Variants in INTS10 observed in about 807,000 individuals in gnomAD.
The protein encoded by INTS10 is integrator complex subunit 10, also known as chromosome 8 open reading frame 35.
INTS10 carries 44 observed loss-of-function variants against 94.4 expected under a neutral mutation model. The observed-to-expected ratio is 0.47, with a 90% CI of 0.37 to 0.60. The LOEUF is 0.60. Among genes scored for constraint, INTS10 ranks in the 20% least tolerant of loss-of-function variants. The pLI is 0.00. For synonymous variants in INTS10, 341 were observed against 320.7 expected (o/e 1.06, Z -0.68); for missense variants, 797 against 868.7 (o/e 0.92, Z 1.04).
At chr8:19,838,574 A>G (rs1249095067) in intron 13 of INTS10, among the ~76,000 whole-genome samples, 2 of 152,206 alleles carry the variant, frequency 1.3e-5, no homozygotes, top group Non-Finnish European at 2.9e-5. Flanking sequence ...AAGAGTCCCA[A>G]TTCATTTTTA....
chr8:19,840,627 G>A (rs1418576576), intron 13 of INTS10, among the ~76,000 whole-genome samples: 2 of 152,152 alleles, frequency 1.3e-5, no homozygotes, highest in Non-Finnish European at 2.9e-5. Context: ...GCATAGATTT[G>A]ATCAAATGAT....
At position 19,837,126 on chromosome 8, in the gene INTS10, G is replaced by A. The variant is rs768768649; in HGVS notation, c.1605G>A (p.Glu535=). The A allele has an allele frequency of 3.5e-5, 57 of 1,612,908 alleles. No homozygotes were observed. The South Asian group carries it at 5.8e-4, about 16-fold the overall frequency. ...TTCAAGATGGAGGCAAATCCCAGGA[G>A]GAACCCTCGAAAGTAAAGCCCAAAT... ...LPIQDGGKSQ[E]EPSKVKPKFR... The change falls in exon 13 of 17, where the codon GAG becomes GAA. Residue 535 remains glutamate, a synonymous_variant. Coordinates refer to ENST00000397977, the MANE Select transcript of INTS10 (RefSeq NM_018142.4).
intron 2 of INTS10, 27 bp from the exon 3 acceptor site, chr8:19,819,546 A>G: frequency 6.5e-7 from 1 of 1,536,718 alleles, no homozygotes; most frequent in Non-Finnish European, 8.9e-7. Context: ...TTGACATTTT[A>G]ATTTAATGTA....
chr8:19,832,659 A>T (rs1392097342), intron 11 of INTS10, among the ~76,000 whole-genome samples: 2 of 152,238 alleles, frequency 1.3e-5, no homozygotes, highest in Non-Finnish European at 2.9e-5. Flanking sequence ...TGTAAAAGTA[A>T]GATTTTTACT....
chr8:19,817,734 T>C (rs891653576), intron 1 of INTS10, 68 bp downstream of exon 1: 4 of 1,541,698 alleles, frequency 2.6e-6, no homozygotes, highest in Middle Eastern at 2.3e-4. Context: ...CGGGCTGCCC[T>C]GGCCCAGAGC....
chr8:19,839,854 G>C (rs1410742495), intron 13 of INTS10, among the ~76,000 whole-genome samples: 2 of 152,074 alleles, frequency 1.3e-5, no homozygotes, highest in African/African-American at 4.8e-5. Context: ...CTTGAGGCCA[G>C]GAGTTTGAGA....
At chr8:19,834,729 T>G (rs1299027786) in intron 12 of INTS10, among the ~76,000 whole-genome samples, 1 of 152,146 alleles carries the variant, frequency 6.6e-6, no homozygotes, top group African/African-American at 2.4e-5. Context: ...TGTCCAGATG[T>G]AAGTGTCCTT....
At chr8:19,838,940 C>T (rs1226562503) in intron 13 of INTS10, among the ~76,000 whole-genome samples, 6 of 151,986 alleles carry the variant, frequency 3.9e-5, no homozygotes, top group Non-Finnish European at 8.8e-5. Flanking sequence ...GGCCTGGTGG[C>T]AGGCACCTGT....
chr8:19,818,852 C>T (rs1270239928), intron 2 of INTS10: 1 of 153,100 alleles, frequency 6.5e-6, no homozygotes, highest in East Asian at 1.9e-4. Context: ...CCTTTTCATG[C>T]CTGTGTAGTA....
chr8:19,844,525 A>T (rs980387742), intron 15 of INTS10, among the ~76,000 whole-genome samples: 2 of 152,324 alleles, frequency 1.3e-5, no homozygotes, highest in African/African-American at 4.8e-5. Context: ...CAGGTTGCTG[A>T]TAGGTCCAGC....
intron 13 of INTS10, chr8:19,841,811 G>A (rs1370249850): frequency 2.2e-6 from 1 of 455,746 alleles, no homozygotes; most frequent in Non-Finnish European, 4.4e-6. Flanking sequence ...TTCAAGCTGT[G>A]AGTTTTCATT....
chr8:19,850,352 C>T (rs2068928909), intron 16 of INTS10, among the ~76,000 whole-genome samples: 1 of 152,102 alleles, frequency 6.6e-6, no homozygotes, highest in South Asian at 2.1e-4. Context: ...AGCTACCCAT[C>T]CAGATTTGAC....
chr8:19,819,922 T>C (rs563715877), intron 3 of INTS10, among the ~76,000 whole-genome samples: 233 of 152,356 alleles, frequency 1.5e-3, no homozygotes, highest in Non-Finnish European at 2.4e-3. Context: ...GGTTTTACAA[T>C]AACCAGATAG....
rs1754086012 is a variant in INTS10 at position 19,843,324 on chromosome 8, A to G, written c.1719+397A>G. On this transcript the variant is annotated intron_variant, in intron 14 of 16. Transcript: ENST00000397977. This position sits in a 1 kb window ranked among gnomAD's most constrained non-coding sequence, Gnocchi z 4.7. ...TAGATTAAGCATGTTAGGTGTTGAG[A>G]TCAACACCAGTAACAGCCCAACAGT... Among the ~76,000 whole-genome samples, 1 of 152,172 alleles carries G rather than the reference A, an allele frequency of 6.6e-6. No individual in the cohort carries two copies. The highest frequency in any genetic ancestry group is 2.4e-5 in the African/African-American group (1 of 41,448).
chr8:19,844,784 T>G (rs1383041168), intron 15 of INTS10, among the ~76,000 whole-genome samples: 1 of 152,188 alleles, frequency 6.6e-6, no homozygotes, highest in Non-Finnish European at 1.5e-5. Context: ...AATTAAAGGT[T>G]AGTTATCAAT....
intron 10 of INTS10, 141 bp downstream of exon 10, chr8:19,830,700 T>C: frequency 1.3e-6 from 1 of 753,516 alleles, no homozygotes; most frequent in Non-Finnish European, 2.1e-6. Context: ...AGACGGAGTC[T>C]CACTCTTTTT....
intron 8 of INTS10, among the ~76,000 whole-genome samples, chr8:19,825,450 C>T (rs540307460): frequency 9.3e-5 from 14 of 150,738 alleles, no homozygotes; most frequent in Middle Eastern, 6.8e-3. Flanking sequence ...CGCCTGAACC[C>T]GGGAGGCAGA....
rs545147363 is a variant in INTS10, at chr8:19,847,573, G to A, written c.1976+1776G>A. Among the ~76,000 whole-genome samples the A allele has an allele frequency of 1.3e-3, 205 of 152,326 alleles. 2 individuals carry two copies. The highest frequency in any genetic ancestry group is 2.4e-3 in the Non-Finnish European group (163 of 68,024). ...TAGAGACAGCCATAGTGGAACCGAA[G>A]TCTGTGTACATAGGATTAAACCTGC... On this transcript the variant is annotated intron_variant, in intron 16 of 16. Coordinates refer to ENST00000397977, the MANE Select transcript of INTS10 (RefSeq NM_018142.4).
intron 9 of INTS10, among the ~76,000 whole-genome samples, chr8:19,829,334 T>C (rs1292373554): frequency 1.3e-5 from 2 of 149,402 alleles, no homozygotes; most frequent in East Asian, 4.0e-4. Context: ...CTTAGCAAAA[T>C]AAAATTCAGT....
Sources: gnomAD v4.1 joint callset for allele counts (sites outside exome capture counted in the v4.1 genomes callset) on GRCh38, gnomAD v4.1.1 for gene constraint, Gnocchi (gnomAD v3.1) non-coding constraint, MANE v1.5 for transcripts, NCBI Gene and HGNC (gene_info 2026-07-23, HGNC 2026-07-21) for gene names.